The following CNTNAP2 variants were observed in gnomAD, a reference collection of about 807,000 sequenced individuals.
CNTNAP2 encodes contactin associated protein 2.
CNTNAP2 carries 98 observed loss-of-function variants against 155.2 expected under a neutral mutation model. The ratio of observed to expected loss-of-function variants is 0.63; its 90% CI spans 0.54 to 0.75. CNTNAP2 has a LOEUF of 0.75. CNTNAP2 is among the 30% of genes least tolerant of loss of function. The pLI, the probability that CNTNAP2 is intolerant of heterozygous loss-of-function variation, is 0.00. For missense variants in CNTNAP2, 1,727 were observed against 1,688.1 expected (o/e 1.02, Z -0.40); for synonymous variants, 651 against 631.2 (o/e 1.03, Z -0.47).
intron 3 of CNTNAP2, among the ~76,000 whole-genome samples, chr7:146,846,882 C>A (rs1383360866): frequency 6.6e-6 from 1 of 152,008 alleles, no homozygotes; most frequent in African/African-American, 2.4e-5. Context: ...TATTTTTCAT[C>A]TATGAGATAA....
At position 147,560,276 on chromosome 7, in the gene CNTNAP2, A is replaced by G. The variant is rs576350562; in HGVS notation, c.1778-1862A>G. The stretch of plus-strand genomic sequence containing the variant: ...TCTTTCAACTGGCAGCCTATAGTTG[A>G]AACAGCCTAAATACTCTTTTTACCT... On this transcript the variant is annotated intron_variant, in intron 11 of 23. Transcript: ENST00000361727. Among the ~76,000 whole-genome samples the G allele has an allele frequency of 3.9e-4, 59 of 151,976 alleles. No homozygotes were observed. In the South Asian group the frequency reaches 7.7e-3, roughly 20 times the overall value.
chr7:147,537,106 T>C (rs1799555852), intron 11 of CNTNAP2, among the ~76,000 whole-genome samples: 1 of 152,330 alleles, frequency 6.6e-6, no homozygotes, highest in South Asian at 2.1e-4. Context: ...CTTTAGCACG[T>C]TACAGATTCC....
intron 1 of CNTNAP2, among the ~76,000 whole-genome samples, chr7:146,340,528 G>A (rs1265902072): frequency 6.6e-6 from 1 of 151,928 alleles, no homozygotes; most frequent in Non-Finnish European, 1.5e-5. Flanking sequence ...GTATAAATAT[G>A]TACCAAGTAT....
At chr7:148,020,531 G>A (rs149922265) in intron 15 of CNTNAP2, among the ~76,000 whole-genome samples, 242 of 152,134 alleles carry the variant, frequency 1.6e-3, no homozygotes, top group African/African-American at 5.3e-3. Context: ...TTGAGAATTC[G>A]TATTAATTTT....
intron 14 of CNTNAP2, among the ~76,000 whole-genome samples, chr7:147,942,952 G>A (rs1312070207): frequency 6.6e-6 from 1 of 151,954 alleles, no homozygotes; most frequent in African/African-American, 2.4e-5. Flanking sequence ...CAGGAGAATG[G>A]CATGAACCCG....
At chr7:146,715,755 T>C (rs1801176260) in intron 1 of CNTNAP2, among the ~76,000 whole-genome samples, 1 of 152,234 alleles carries the variant, frequency 6.6e-6, no homozygotes, top group South Asian at 2.1e-4. Flanking sequence ...ATATTTTTTA[T>C]TGTAGCCTAA....
intron 1 of CNTNAP2, among the ~76,000 whole-genome samples, chr7:146,559,212 TACAC>T (rs138872132): frequency 6.6e-6 from 1 of 151,432 alleles, no homozygotes; most frequent in African/African-American, 2.4e-5. Flanking sequence ...TATATATACA[TACAC>T]ACACACACAC....
chr7:147,574,302 C>A (rs1800347787), intron 12 of CNTNAP2, among the ~76,000 whole-genome samples: 2 of 152,028 alleles, frequency 1.3e-5, no homozygotes, highest in African/African-American at 4.8e-5. Context: ...TTCTGACCTT[C>A]ACAGCTTTCC....
intron 2 of CNTNAP2, among the ~76,000 whole-genome samples, chr7:146,790,568 A>ATTT (rs11435256): frequency 9.4e-5 from 13 of 137,802 alleles, no homozygotes; most frequent in African/African-American, 2.7e-4. Flanking sequence ...TTGGTCAGTG[A>ATTT]TTTTTTTTTT....
At chr7:146,937,156 G>A (rs1343568197) in intron 3 of CNTNAP2, among the ~76,000 whole-genome samples, 1 of 151,934 alleles carries the variant, frequency 6.6e-6, no homozygotes, top group South Asian at 2.1e-4. Flanking sequence ...GGGAGGCCAA[G>A]GCAGGCGGAT....
intron 3 of CNTNAP2, among the ~76,000 whole-genome samples, chr7:146,949,064 T>TCC (rs1302208036): frequency 6.6e-6 from 1 of 152,116 alleles, no homozygotes; most frequent in Non-Finnish European, 1.5e-5. Flanking sequence ...CTGCAAGAGC[T>TCC]CCTCCCAGGG....
intron 3 of CNTNAP2, among the ~76,000 whole-genome samples, chr7:146,856,334 A>G (rs549306179): frequency 6.6e-6 from 1 of 151,518 alleles, no homozygotes; most frequent in African/African-American, 2.4e-5. Flanking sequence ...ACATACATAC[A>G]TACATACATA....
chr7:146,245,993 T>C (rs537438252), intron 1 of CNTNAP2, among the ~76,000 whole-genome samples: 87 of 147,902 alleles, frequency 5.9e-4, no homozygotes, highest in Non-Finnish European at 7.5e-4. Flanking sequence ...CTGAACTAAC[T>C]TGTAAGGCTT....
rs150123566 is a variant in CNTNAP2, at chr7:147,890,844, A to C, written c.2099-12721A>C. On this transcript the variant is annotated intron_variant, in intron 13 of 23. Transcript: ENST00000361727. ...TGTTGATCAAAGGATATAAAATTTT[A>C]GTTAGATAGGAGGAATAAGTTCAAG... Among the ~76,000 whole-genome samples the C allele has an allele frequency of 5.2e-3, 799 of 152,324 alleles. 6 individuals are homozygous for C. The highest frequency in any genetic ancestry group is 0.021 in the South Asian group (103 of 4,834).
chr7:146,154,279 TC>T (rs1483297728), intron 1 of CNTNAP2, among the ~76,000 whole-genome samples: 2 of 152,110 alleles, frequency 1.3e-5, no homozygotes, highest in Non-Finnish European at 2.9e-5. Flanking sequence ...TGCTATATAT[TC>T]CCCCCAACTC....
chr7:148,228,824 T>C (rs1795905815), intron 19 of CNTNAP2, among the ~76,000 whole-genome samples: 1 of 30,098 alleles, frequency 3.3e-5, no homozygotes, highest in African/African-American at 1.0e-4. Flanking sequence ...CGAGACTCTG[T>C]TTCAAAAAAA....
At chr7:146,780,790 A>T (rs1802472225) in intron 2 of CNTNAP2, among the ~76,000 whole-genome samples, 1 of 152,110 alleles carries the variant, frequency 6.6e-6, no homozygotes, top group Non-Finnish European at 1.5e-5. Context: ...CCAACACTGC[A>T]TGTTCTCACT....
Position 148,171,186 on chromosome 7 carries a change from C to T in CNTNAP2, c.2774-1056C>T, listed in dbSNP as rs185847417. On this transcript the variant is annotated intron_variant, in intron 17 of 23. Coordinates refer to ENST00000361727, the MANE Select transcript of CNTNAP2 (RefSeq NM_014141.6). ...CTACTTTGATAAGTTGTTGTGAGGACCAGGTGAGTAGCATATATAAGGTAC... is the reference window on the plus strand; with the variant it reads ...CTACTTTGATAAGTTGTTGTGAGGATCAGGTGAGTAGCATATATAAGGTAC... 3.3e-4 allele frequency among the ~76,000 whole-genome samples: 51 copies of T among 152,258 alleles called. No homozygotes were observed. In the East Asian group the frequency reaches 7.5e-3, roughly 22 times the overall value.
intron 13 of CNTNAP2, among the ~76,000 whole-genome samples, chr7:147,739,789 A>C (rs2116483895): frequency 6.6e-6 from 1 of 152,210 alleles, no homozygotes; most frequent in Non-Finnish European, 1.5e-5. Context: ...CATCAATGAA[A>C]TATATATATG....
Sources: gnomAD v4.1 joint callset for allele counts (sites outside exome capture counted in the v4.1 genomes callset) on GRCh38, gnomAD v4.1.1 for gene constraint, MANE v1.5 for transcripts, NCBI Gene and HGNC (gene_info 2026-07-23, HGNC 2026-07-21) for gene names.